Variants in DPYD observed in about 807,000 individuals in gnomAD.
DPYD encodes dihydropyrimidine dehydrogenase [NADP(+)].
Under a neutral mutation model 116.2 loss-of-function variants are expected in DPYD, and 109 were observed. The ratio of observed to expected loss-of-function variants is 0.94; its 90% CI spans 0.80 to 1.10. The LOEUF is 1.10. DPYD is among the 50% of genes least tolerant of loss of function. The pLI, the probability that DPYD is intolerant of heterozygous loss-of-function variation, is 0.00. For synonymous variants in DPYD, 440 were observed against 432.0 expected, an observed-to-expected ratio of 1.02 and a Z score of -0.23; for missense variants, 1,302 against 1,254.5, an observed-to-expected ratio of 1.04 and a Z score of -0.57.
At chr1:97,798,271 T>C (rs1487815812) in intron 3 of DPYD, among the ~76,000 whole-genome samples, 1 of 152,082 alleles carries the variant, frequency 6.6e-6, no homozygotes, top group African/African-American at 2.4e-5. Context: ...CTCTCTGAAT[T>C]GTTATAGAAA....
intron 19 of DPYD, among the ~76,000 whole-genome samples, chr1:97,224,077 T>C (rs901322707): frequency 1.3e-5 from 2 of 152,068 alleles, no homozygotes; most frequent in Admixed American, 1.3e-4. Flanking sequence ...CTAATTTGCA[T>C]ATTCTAACTA....
At chr1:97,288,847 T>G (rs1372251980) in intron 18 of DPYD, among the ~76,000 whole-genome samples, 1 of 151,402 alleles carries the variant, frequency 6.6e-6, no homozygotes, top group African/African-American at 2.4e-5. Flanking sequence ...AGAGCACAAC[T>G]GAAGGAAATA....
chr1:97,546,564 G>A, intron 12 of DPYD: 1 of 1,604,204 alleles, frequency 6.2e-7, no homozygotes, highest in Non-Finnish European at 8.5e-7. Context: ...GCGCTCTATT[G>A]GAAACCAAAT....
intron 16 of DPYD, among the ~76,000 whole-genome samples, chr1:97,359,309 T>A (rs112508617): frequency 2.0e-5 from 3 of 152,060 alleles, no homozygotes; most frequent in African/African-American, 4.8e-5. Context: ...TGGGACTCTG[T>A]GAAAATATCA....
intron 3 of DPYD, among the ~76,000 whole-genome samples, chr1:97,766,670 T>A (rs1289258599): frequency 3.3e-5 from 5 of 152,130 alleles, no homozygotes; most frequent in African/African-American, 1.2e-4. Flanking sequence ...CCCACAAATG[T>A]CAAATCCCTA....
chr1:97,859,616 C>G (rs1029215620), intron 2 of DPYD, among the ~76,000 whole-genome samples: 1 of 152,190 alleles, frequency 6.6e-6, no homozygotes, highest in Non-Finnish European at 1.5e-5. Context: ...CCTTCACTAG[C>G]TCCAGGTCTC....
chr1:97,145,320 T>G (rs996410024), intron 20 of DPYD, among the ~76,000 whole-genome samples: 18 of 152,166 alleles, frequency 1.2e-4, no homozygotes, highest in African/African-American at 4.3e-4. Context: ...GGCCGTCAAG[T>G]AGCTGTGATG....
chr1:97,507,553 A>C (rs1647435555), intron 13 of DPYD, among the ~76,000 whole-genome samples: 2 of 152,162 alleles, frequency 1.3e-5, no homozygotes, highest in African/African-American at 4.8e-5. Context: ...TTTATTTCTA[A>C]CAAGGTTTCC....
At chr1:97,249,590 G>T (rs1311809298) in intron 18 of DPYD, among the ~76,000 whole-genome samples, 1 of 150,572 alleles carries the variant, frequency 6.6e-6, no homozygotes, top group African/African-American at 2.4e-5. Flanking sequence ...TAAAAGCAAC[G>T]ACTAATTTAA....
intron 1 of DPYD, among the ~76,000 whole-genome samples, chr1:97,916,614 C>G (rs954402351): frequency 6.6e-6 from 1 of 152,192 alleles, no homozygotes; most frequent in Non-Finnish European, 1.5e-5. Context: ...CATTTGCTAT[C>G]ATTAAGATTA....
chr1:97,796,187 A>G (rs1667560080), intron 3 of DPYD, among the ~76,000 whole-genome samples: 1 of 152,074 alleles, frequency 6.6e-6, no homozygotes, highest in Admixed American at 6.6e-5. Flanking sequence ...TTTCACACAT[A>G]TCTCTTTTAA....
chr1:97,344,316 C>A (rs560278870), intron 16 of DPYD, among the ~76,000 whole-genome samples: 10 of 151,930 alleles, frequency 6.6e-5, no homozygotes, highest in Admixed American at 2.6e-4. Context: ...CCAACATTCA[C>A]GCTTGAGTTA....
chr1:97,584,620 TA>T (rs1218579132), intron 10 of DPYD, among the ~76,000 whole-genome samples: 1 of 151,812 alleles, frequency 6.6e-6, no homozygotes, highest in Non-Finnish European at 1.5e-5. Flanking sequence ...TATGCAGCCA[TA>T]AAAAATGATG....
chr1:97,809,661 A>G (rs1417126647), intron 3 of DPYD, among the ~76,000 whole-genome samples: 1 of 152,196 alleles, frequency 6.6e-6, no homozygotes, highest in African/African-American at 2.4e-5. Context: ...GAGATGCAGG[A>G]TAGCTGAGGT....
At chr1:97,920,177 G>C (rs1408594017) in intron 1 of DPYD, among the ~76,000 whole-genome samples, 1 of 152,128 alleles carries the variant, frequency 6.6e-6, no homozygotes. Context: ...AGATACTAGA[G>C]AGAAAGGAAA....
chr1:97,173,302 A>C (rs5027692), intron 20 of DPYD, among the ~76,000 whole-genome samples: 3 of 89,484 alleles, frequency 3.4e-5, no homozygotes, highest in African/African-American at 1.5e-4. Flanking sequence ...ACACATATGT[A>C]CATATATATG....
intron 4 of DPYD, among the ~76,000 whole-genome samples, chr1:97,737,805 G>A (rs185953350): frequency 2.0e-5 from 3 of 152,050 alleles, no homozygotes; most frequent in Admixed American, 6.6e-5. Flanking sequence ...ACACAAACAC[G>A]TATCAATGTA....
At chr1:97,440,567 T>C (rs191977564) in intron 14 of DPYD, among the ~76,000 whole-genome samples, 1 of 152,194 alleles carries the variant, frequency 6.6e-6, no homozygotes, top group Non-Finnish European at 1.5e-5. Flanking sequence ...CTTTGAATTA[T>C]AAAAGCCTAC....
At chr1:97,085,335 T>G (rs1649438352) in intron 21 of DPYD, among the ~76,000 whole-genome samples, 3 of 152,216 alleles carry the variant, frequency 2.0e-5, no homozygotes, top group Admixed American at 1.3e-4. Context: ...AAATTTTACG[T>G]GGAGCAAGTC....
Sources: allele counts gnomAD v4.1 joint callset (sites outside exome capture counted in the v4.1 genomes callset), GRCh38; gene constraint gnomAD v4.1.1; transcripts MANE v1.5; gene names NCBI Gene and HGNC (gene_info 2026-07-23, HGNC 2026-07-21).